Variants in DLG1 observed in about 807,000 individuals in gnomAD.
The protein encoded by DLG1 is disks large homolog 1.
DLG1 carries 42 observed loss-of-function variants against 123.4 expected under a neutral mutation model. The observed-to-expected ratio is 0.34, with a 90% confidence interval of 0.27 to 0.44. The LOEUF is 0.44. Among genes scored for constraint, DLG1 ranks in the 20% least tolerant of loss-of-function variants. The pLI, the probability that DLG1 is intolerant of heterozygous loss-of-function variation, is 1.00. For synonymous variants in DLG1, 317 were observed against 356.2 expected (o/e 0.89, Z 1.24); for missense variants, 942 against 1,082.6 (o/e 0.87, Z 1.82).
intron 13 of DLG1, among the ~76,000 whole-genome samples, chr3:197,109,457 C>T (rs937133507): frequency 5.3e-5 from 8 of 152,152 alleles, no homozygotes; most frequent in South Asian, 2.1e-4. Context: ...TATGTTTATA[C>T]GATGTGTGCA....
chr3:197,241,766 T>C (rs1219746412), intron 4 of DLG1, among the ~76,000 whole-genome samples: 3 of 152,190 alleles, frequency 2.0e-5, no homozygotes, highest in Admixed American at 6.5e-5. Flanking sequence ...CTAAGATAAG[T>C]TGTCAACTCT....
In DLG1 at chr3:197,119,469, T is replaced by G. The variant is rs768273151; in HGVS notation, c.1227A>C (p.Ala409=). The part of the protein sequence containing the change: ...SPSSFLGQTP[A]SPARYSPVSK... ...AAACTGGGGAGTATCTGGCTGGAGA[T>G]GCTGGTGTCTGGCCCAAGAAGGAAG... The change falls in exon 12 of 25, where the codon GCA becomes GCC. Residue 409 remains alanine (A), a synonymous_variant. Transcript: ENST00000667157. 1 of 1,611,986 alleles carries G rather than the reference T, an allele frequency of 6.2e-7. No homozygotes were observed. The highest frequency in any genetic ancestry group is 1.3e-5 in the African/African-American group (1 of 74,860).
At chr3:197,241,502 A>G (rs1474434172) in intron 4 of DLG1, among the ~76,000 whole-genome samples, 1 of 152,204 alleles carries the variant, frequency 6.6e-6, no homozygotes, top group Non-Finnish European at 1.5e-5. Flanking sequence ...AAAATTATGT[A>G]TACACAAAAA....
At chr3:197,230,646 T>C (rs1338948577) in intron 4 of DLG1, among the ~76,000 whole-genome samples, 1 of 152,212 alleles carries the variant, frequency 6.6e-6, no homozygotes, top group African/African-American at 2.4e-5. Context: ...GATTTTGACA[T>C]GTCACTGTCC....
At chr3:197,122,055 T>C (rs1459707347) in intron 11 of DLG1, among the ~76,000 whole-genome samples, 1 of 151,966 alleles carries the variant, frequency 6.6e-6, no homozygotes, top group African/African-American at 2.4e-5. Context: ...CAGGACACTA[T>C]CGTTAAGTTC....
Position 197,044,133 on chromosome 3 carries a change from C to G in DLG1, c.*490G>C, listed in dbSNP as rs1044776230. On this transcript the variant is annotated 3_prime_UTR_variant, in exon 25 of 25. Coordinates refer to ENST00000667157, the MANE Select transcript of DLG1 (RefSeq NM_001366207.1). Reference sequence around the variant, plus strand: ...ATGTCCTTATTTATCTATAATGAAACAATTGCTTTGATGATAGAAGTTGAT... The same window carrying G: ...ATGTCCTTATTTATCTATAATGAAAGAATTGCTTTGATGATAGAAGTTGAT... 2.6e-5 allele frequency: 4 copies of G among 152,116 alleles called. No individual in the cohort carries two copies. Among genetic ancestry groups the G allele is most frequent in the Admixed American group, 2.6e-4 (4 of 15,270 alleles). 9.4% of individuals were successfully genotyped at this position (152,116 alleles called of 1,614,324 possible).
In DLG1 at chr3:197,082,425, T is replaced by G. The variant is rs187346130; in HGVS notation, c.1839-1308A>C. 5.3e-5 allele frequency among the ~76,000 whole-genome samples: 8 copies of G among 152,224 alleles called. No homozygotes were observed. The East Asian group carries it at 1.5e-3, about 29-fold the overall frequency. ...CATGATTTTTACGATTCAAGAACAA[T>G]TCTGAGGCTCCATGACCTGAATAAT... is the stretch of plus-strand genomic sequence containing the variant. On this transcript the variant is annotated intron_variant, in intron 16 of 24. Coordinates refer to ENST00000667157, the MANE Select transcript of DLG1 (RefSeq NM_001366207.1).
chr3:197,280,221 C>T (rs928535361), intron 4 of DLG1, among the ~76,000 whole-genome samples: 1 of 152,134 alleles, frequency 6.6e-6, no homozygotes, highest in Non-Finnish European at 1.5e-5. Flanking sequence ...CACATGAGAA[C>T]ATGTGATATT....
chr3:197,141,870 C>T (rs1422688858), intron 7 of DLG1, among the ~76,000 whole-genome samples: 4 of 152,226 alleles, frequency 2.6e-5, no homozygotes, highest in South Asian at 2.1e-4. Flanking sequence ...CCACACCTGG[C>T]TAATTTTTGT....
intron 4 of DLG1, among the ~76,000 whole-genome samples, chr3:197,246,747 G>C (rs1751904119): frequency 6.6e-6 from 1 of 152,146 alleles, no homozygotes; most frequent in Admixed American, 6.5e-5. Flanking sequence ...AATAGCGATG[G>C]GTAGGTGTTT....
chr3:197,264,257 T>C (rs1477084170), intron 4 of DLG1, among the ~76,000 whole-genome samples: 5 of 152,322 alleles, frequency 3.3e-5, no homozygotes, highest in African/African-American at 7.2e-5. Context: ...GTTTGAGATA[T>C]GGCCCTTTCT....
Position 197,232,137 on chromosome 3 carries a change from C to A in DLG1, c.319-37548G>T, listed in dbSNP as rs576750267. Among the ~76,000 whole-genome samples the A allele has an allele frequency of 1.7e-3, 265 of 151,452 alleles. 2 individuals are homozygous for A. The highest frequency in any genetic ancestry group is 6.0e-3 in the African/African-American group (247 of 41,486). The stretch of plus-strand genomic sequence containing the variant: ...AATCTCAATCACCTAAATTTGAGCA[C>A]AAAAAACAGCTATTTGGATTGCCAC... On this transcript the variant is annotated intron_variant, in intron 4 of 24. Coordinates refer to ENST00000667157, the MANE Select transcript of DLG1 (RefSeq NM_001366207.1).
At chr3:197,067,261 C>T (rs1009602917) in intron 19 of DLG1, among the ~76,000 whole-genome samples, 2 of 151,796 alleles carry the variant, frequency 1.3e-5, no homozygotes, top group Non-Finnish European at 1.5e-5. Flanking sequence ...ACTACTGTTA[C>T]TATTTCACTG....
intron 4 of DLG1, among the ~76,000 whole-genome samples, chr3:197,232,349 G>T (rs1380185413): frequency 1.5e-5 from 2 of 130,676 alleles, no homozygotes; most frequent in African/African-American, 5.6e-5. Flanking sequence ...GGATGACAGA[G>T]ACCTTGTCTC....
chr3:197,125,877 G>A (rs912819699), intron 11 of DLG1, among the ~76,000 whole-genome samples: 1 of 152,198 alleles, frequency 6.6e-6, no homozygotes, highest in African/African-American at 2.4e-5. Flanking sequence ...GAGAACACCA[G>A]ATCACCACAG....
intron 4 of DLG1, among the ~76,000 whole-genome samples, chr3:197,230,613 C>T (rs1389988293): frequency 1.3e-5 from 2 of 152,094 alleles, no homozygotes; most frequent in Non-Finnish European, 2.9e-5. Flanking sequence ...CAGTGTTGTG[C>T]TTTTCTTTTT....
chr3:197,231,677 G>T (rs1420321775), intron 4 of DLG1, among the ~76,000 whole-genome samples: 1 of 145,828 alleles, frequency 6.9e-6, no homozygotes, highest in Non-Finnish European at 1.5e-5. Flanking sequence ...TCCAGCCTGG[G>T]GAAGAGAACC....
chr3:197,231,257 G>A (rs1742844527), intron 4 of DLG1, among the ~76,000 whole-genome samples: 1 of 152,134 alleles, frequency 6.6e-6, no homozygotes, highest in Non-Finnish European at 1.5e-5. Context: ...TGAAACGGCA[G>A]GAATTAAGCA....
rs574353901 is a variant in DLG1 at position 197,112,709 on chromosome 3, G to A, written c.1443+3218C>T. On this transcript the variant is annotated intron_variant, in intron 13 of 24. Transcript: ENST00000667157. The stretch of plus-strand genomic sequence containing the variant: ...AAGCTCAAGTGATCCTCCTGCCTTA[G>A]CCTCCCAAGTTGCTGGGACTACAAG... 9.9e-4 allele frequency among the ~76,000 whole-genome samples: 150 copies of A among 151,964 alleles called. 2 individuals are homozygous for A. Among genetic ancestry groups the A allele is most frequent in the African/African-American group, 3.3e-3 (135 of 41,446 alleles).
Sources: allele counts gnomAD v4.1 joint callset (sites outside exome capture counted in the v4.1 genomes callset), GRCh38; gene constraint gnomAD v4.1.1; transcripts MANE v1.5; gene names NCBI Gene and HGNC (gene_info 2026-07-23, HGNC 2026-07-21).